Variants in WWOX observed in about 807,000 individuals in gnomAD.
WWOX encodes the protein WW domain-containing oxidoreductase.
WWOX carries 69 observed loss-of-function variants against 46.2 expected under a neutral mutation model. The observed-to-expected ratio is 1.49, with a 90% CI of 1.23 to 1.82. The LOEUF is 1.82. Ranked by LOEUF, WWOX falls within the 40% of genes most tolerant of loss-of-function variation. The pLI, the probability that WWOX is intolerant of heterozygous loss-of-function variation, is 0.00. For synonymous variants in WWOX, 359 were observed against 202.6 expected, an observed-to-expected ratio of 1.77 and a Z score of -6.56; for missense variants, 919 against 542.6, an observed-to-expected ratio of 1.69 and a Z score of -6.89.
At chr16:78,862,047 T>C (rs1388341110) in intron 8 of WWOX, among the ~76,000 whole-genome samples, 1 of 152,172 alleles carries the variant, frequency 6.6e-6, no homozygotes, top group South Asian at 2.1e-4. Flanking sequence ...GTATCTATTA[T>C]ATATATAGAG....
intron 4 of WWOX, among the ~76,000 whole-genome samples, chr16:78,116,677 G>A (rs1212643262): frequency 1.3e-5 from 2 of 152,110 alleles, no homozygotes; most frequent in Non-Finnish European, 2.9e-5. Context: ...ACATTTTGTT[G>A]ATCATATTAA....
chr16:78,099,871 G>A lies in WWOX; in HGVS notation c.93G>A (p.Trp31Ter). The A allele has an allele frequency of 6.4e-7, 1 of 1,570,976 alleles. No individual in the cohort carries two copies. The highest frequency in any genetic ancestry group is 2.4e-5 in the East Asian group (1 of 42,138). Reference sequence around the variant, plus strand: ...AGGAGAGAACCACCAAGGACGGCTGGGTTTACTACGCCAAGTAAGGGGGCC... The same window carrying A: ...AGGAGAGAACCACCAAGGACGGCTGAGTTTACTACGCCAAGTAAGGGGGCC... ...GWEERTTKDG[W>*]VYYANHTEEK... The change falls in exon 1 of 9, where the codon TGG becomes TGA. Residue 31 changes from tryptophan (W) to a stop codon, truncating the protein, a stop_gained. Transcript: ENST00000566780. LOFTEE classifies it high-confidence loss of function.
intron 6 of WWOX, among the ~76,000 whole-genome samples, chr16:78,418,294 G>A (rs2082844483): frequency 6.6e-6 from 1 of 152,134 alleles, no homozygotes; most frequent in South Asian, 2.1e-4. Flanking sequence ...AACCCGGGAG[G>A]TGGAGCTTGC....
chr16:79,176,410 G>A lies in WWOX; in HGVS notation c.1057-35198G>A, dbSNP rs570358063. Among the ~76,000 whole-genome samples the A allele has an allele frequency of 7.2e-5, 11 of 152,322 alleles. No homozygotes were observed. The South Asian group carries it at 2.3e-3, about 32-fold the overall frequency. On this transcript the variant is annotated intron_variant, in intron 8 of 8. Coordinates refer to ENST00000566780, the MANE Select transcript of WWOX (RefSeq NM_016373.4). The stretch of plus-strand genomic sequence containing the variant: ...GCTATCTCCCACTGAAAAGTAGGAT[G>A]TCAAATATCCTCTAGCCCTTTGCTC...
chr16:78,333,054 T>TTTTTTTTTTTTTTG lies in WWOX; in HGVS notation c.517-53805_517-53792dup. On this transcript the variant is annotated intron_variant, in intron 5 of 8. Coordinates refer to ENST00000566780, the MANE Select transcript of WWOX (RefSeq NM_016373.4). ...GGAAGAGCATTATACTTTTTTTTTT[T>TTTTTTTTTTTTTTG]TTTTTTTTTTTTTGAGACAGAGTCT... 2.6e-5 allele frequency among the ~76,000 whole-genome samples: 3 copies of TTTTTTTTTTTTTTG among 115,928 alleles called. 1 individual carries two copies. Among genetic ancestry groups the TTTTTTTTTTTTTTG allele is most frequent in the Non-Finnish European group, 5.2e-5 (3 of 57,734 alleles). 76.1% of individuals were successfully genotyped at this position (115,928 alleles called of 152,430 possible).
intron 6 of WWOX, among the ~76,000 whole-genome samples, chr16:78,416,694 C>G (rs2082804108): frequency 6.6e-6 from 1 of 152,148 alleles, no homozygotes; most frequent in South Asian, 2.1e-4. Flanking sequence ...TTCCCAATGT[C>G]CAGGCCTGTC....
chr16:78,836,928 C>T (rs1010971809), intron 8 of WWOX, among the ~76,000 whole-genome samples: 1 of 151,974 alleles, frequency 6.6e-6, no homozygotes, highest in Non-Finnish European at 1.5e-5. Context: ...AGGTTGGCAG[C>T]AAAATATGAG....
intron 8 of WWOX, among the ~76,000 whole-genome samples, chr16:78,724,275 T>G (rs1239069366): frequency 6.6e-6 from 1 of 152,156 alleles, no homozygotes; most frequent in Non-Finnish European, 1.5e-5. Flanking sequence ...AAAAGCCCCA[T>G]TTGGTAAAAT....
intron 5 of WWOX, among the ~76,000 whole-genome samples, chr16:78,190,264 T>A (rs2035842984): frequency 6.6e-6 from 1 of 152,216 alleles, no homozygotes; most frequent in South Asian, 2.1e-4. Flanking sequence ...TTATATGGGC[T>A]GCTAGCGCTT....
chr16:78,907,153 G>C (rs1056508398), intron 8 of WWOX, among the ~76,000 whole-genome samples: 3 of 152,100 alleles, frequency 2.0e-5, no homozygotes, highest in Admixed American at 2.0e-4. Flanking sequence ...TTGTGGACAA[G>C]AGAATGGGTA....
At chr16:78,334,016 A>G (rs1016812719) in intron 5 of WWOX, among the ~76,000 whole-genome samples, 2 of 152,178 alleles carry the variant, frequency 1.3e-5, no homozygotes, top group African/African-American at 2.4e-5. Context: ...AAGTCAGGTA[A>G]ATGGAATGTA....
At chr16:79,024,735 C>T (rs1231452594) in intron 8 of WWOX, among the ~76,000 whole-genome samples, 1 of 151,918 alleles carries the variant, frequency 6.6e-6, no homozygotes, top group African/African-American at 2.4e-5. Context: ...ATGCCTGGCC[C>T]TGATTTTTAA....
In WWOX at chr16:79,146,371, C is replaced by T. The variant is rs190662375; in HGVS notation, c.1057-65237C>T. On this transcript the variant is annotated intron_variant, in intron 8 of 8. Transcript: ENST00000566780. Reference sequence around the variant, plus strand: ...CCATGTTTTCCCATCTCTGAGGCTTCTATTTTAGAGACTTTTCCTCCAGAA... The same window carrying T: ...CCATGTTTTCCCATCTCTGAGGCTTTTATTTTAGAGACTTTTCCTCCAGAA... 1.3e-4 allele frequency among the ~76,000 whole-genome samples: 20 copies of T among 152,240 alleles called. No individual in the cohort carries two copies. In the East Asian group the frequency reaches 3.9e-3, roughly 29 times the overall value.
intron 8 of WWOX, among the ~76,000 whole-genome samples, chr16:79,044,621 G>T (rs1223825888): frequency 6.6e-6 from 1 of 152,216 alleles, no homozygotes; most frequent in African/African-American, 2.4e-5. Context: ...TGTACAGCCT[G>T]TGGAACTATG....
At chr16:79,025,611 A>T (rs1284478540) in intron 8 of WWOX, among the ~76,000 whole-genome samples, 1 of 152,150 alleles carries the variant, frequency 6.6e-6, no homozygotes, top group Non-Finnish European at 1.5e-5. Flanking sequence ...GAAGGAACTA[A>T]GCCTTCTCAC....
chr16:78,294,547 A>C (rs1031705583), intron 5 of WWOX, among the ~76,000 whole-genome samples: 5 of 151,978 alleles, frequency 3.3e-5, no homozygotes, highest in Non-Finnish European at 4.4e-5. Context: ...GCAGATTTCC[A>C]TTTTACTCTT....
intron 6 of WWOX, among the ~76,000 whole-genome samples, chr16:78,396,368 A>C (rs2082286992): frequency 6.6e-6 from 1 of 152,210 alleles, no homozygotes. Flanking sequence ...ACATAAATGA[A>C]AATGTGTTCG....
At chr16:78,478,412 T>G (rs1408330632) in intron 8 of WWOX, among the ~76,000 whole-genome samples, 5 of 152,118 alleles carry the variant, frequency 3.3e-5, no homozygotes, top group Admixed American at 6.6e-5. Context: ...TGAATGGCCA[T>G]ATTTACCACC....
rs185738676 is a variant in WWOX at position 78,395,391 on chromosome 16, C to T, written c.605+8443C>T. ...GAAATTAGTTGGGTGTGGTGGTGCA[C>T]ACCTGTAGTCCCAGCTGCTTGGGAG... On this transcript the variant is annotated intron_variant, in intron 6 of 8. Coordinates refer to ENST00000566780, the MANE Select transcript of WWOX (RefSeq NM_016373.4). Among the ~76,000 whole-genome samples the T allele has an allele frequency of 3.3e-3, 496 of 152,230 alleles. 3 individuals carry two copies. The highest frequency in any genetic ancestry group is 0.011 in the African/African-American group (475 of 41,542).
Sources: allele counts gnomAD v4.1 joint callset (sites outside exome capture counted in the v4.1 genomes callset), GRCh38; gene constraint gnomAD v4.1.1; transcripts MANE v1.5; gene names NCBI Gene and HGNC (gene_info 2026-07-23, HGNC 2026-07-21).